The following ADGRL3 variants were observed in gnomAD, a reference collection of about 807,000 sequenced individuals.
ADGRL3 encodes the protein calcium-independent alpha-latrotoxin receptor 3.
Under a neutral mutation model 153.5 loss-of-function variants are expected in ADGRL3, and 62 were observed. The observed-to-expected ratio is 0.40, with a 90% CI of 0.33 to 0.50. The LOEUF is 0.50. Among genes scored for constraint, ADGRL3 ranks in the 20% least tolerant of loss-of-function variants. The pLI, the probability that ADGRL3 is intolerant of heterozygous loss-of-function variation, is 0.47. For missense variants in ADGRL3, 1,641 were observed against 1,859.4 expected (o/e 0.88, Z 2.16); for synonymous variants, 710 against 672.5 (o/e 1.06, Z -0.86).
chr4:61,404,817 G>A (rs1296931030), intron 2 of ADGRL3, among the ~76,000 whole-genome samples: 2 of 151,842 alleles, frequency 1.3e-5, no homozygotes, highest in East Asian at 3.9e-4. Flanking sequence ...TCAGAGTCGT[G>A]GTTAAACAAT....
At chr4:61,620,857 T>A (rs1013591498) in intron 5 of ADGRL3, among the ~76,000 whole-genome samples, 37 of 151,990 alleles carry the variant, frequency 2.4e-4, no homozygotes, top group African/African-American at 8.9e-4. Flanking sequence ...GCCAGGATGG[T>A]CTCCATCTCC....
At chr4:61,319,483 A>G (rs1267177948) in intron 1 of ADGRL3, among the ~76,000 whole-genome samples, 1 of 152,160 alleles carries the variant, frequency 6.6e-6, no homozygotes, top group Non-Finnish European at 1.5e-5. Context: ...AATTGACTTC[A>G]CCATGTTGTG....
At chr4:61,695,017 C>T (rs1022803248) in intron 6 of ADGRL3, among the ~76,000 whole-genome samples, 5 of 152,170 alleles carry the variant, frequency 3.3e-5, no homozygotes, top group African/African-American at 9.7e-5. Flanking sequence ...AGTTCTATTA[C>T]TTCTCTTGCT....
intron 1 of ADGRL3, among the ~76,000 whole-genome samples, chr4:61,299,147 G>A (rs755265680): frequency 9.2e-5 from 14 of 151,772 alleles, no homozygotes; most frequent in Non-Finnish European, 1.8e-4. Flanking sequence ...CATGCCCGCC[G>A]TCCCCATCTT....
chr4:62,042,780 A>C (rs1560544041), intron 24 of ADGRL3, among the ~76,000 whole-genome samples: 1 of 152,070 alleles, frequency 6.6e-6, no homozygotes, highest in Admixed American at 6.6e-5. Flanking sequence ...TAGTATAATG[A>C]ATAGTCACAA....
intron 5 of ADGRL3, among the ~76,000 whole-genome samples, chr4:61,596,317 A>G (rs2098988920): frequency 6.6e-6 from 1 of 152,210 alleles, no homozygotes; most frequent in Admixed American, 6.5e-5. Context: ...TCAGACTTGA[A>G]TATAACTGAG....
In ADGRL3 at chr4:61,375,424, A is replaced by G. The variant is rs144551846; in HGVS notation, c.-239-7700A>G. Among the ~76,000 whole-genome samples the G allele has an allele frequency of 3.3e-5, 5 of 152,232 alleles. No homozygotes were observed. The East Asian group carries it at 9.7e-4, about 29-fold the overall frequency. ...TAAATTTCTTGCTCAAATTTTGGACATAAACCGGGACAAGATTTCCTACAT... is the reference window on the plus strand; with the variant it reads ...TAAATTTCTTGCTCAAATTTTGGACGTAAACCGGGACAAGATTTCCTACAT... On this transcript the variant is annotated intron_variant, in intron 1 of 26. Transcript: ENST00000683033.
intron 15 of ADGRL3, 133 bp downstream of exon 15, chr4:61,936,178 C>G (rs768909197): frequency 8.4e-5 from 72 of 861,828 alleles, no homozygotes; most frequent in Non-Finnish European, 1.2e-4. Flanking sequence ...TCTCTTTCTC[C>G]TCCTCTTCCT....
chr4:61,635,374 CT>C (rs1368090708), intron 5 of ADGRL3, among the ~76,000 whole-genome samples: 1 of 152,100 alleles, frequency 6.6e-6, no homozygotes, highest in Non-Finnish European at 1.5e-5. Flanking sequence ...AGTCTTCTAC[CT>C]CACAAGTGCA....
chr4:61,508,802 A>G (rs1008239310), intron 3 of ADGRL3, among the ~76,000 whole-genome samples: 1 of 152,092 alleles, frequency 6.6e-6, no homozygotes, highest in Non-Finnish European at 1.5e-5. Flanking sequence ...TGATAAAGAC[A>G]TTCCTGAGAC....
chr4:61,581,206 A>T, intron 4 of ADGRL3, among the ~76,000 whole-genome samples: 1 of 152,004 alleles, frequency 6.6e-6, no homozygotes, highest in East Asian at 1.9e-4. Flanking sequence ...AGCCACAGTT[A>T]CTGGGAAAAC....
intron 25 of ADGRL3, among the ~76,000 whole-genome samples, chr4:62,050,318 A>C (rs1266756309): frequency 6.6e-6 from 1 of 152,086 alleles, no homozygotes; most frequent in Non-Finnish European, 1.5e-5. Context: ...TTAGATAATG[A>C]CATAAGCAAA....
At chr4:62,061,350 T>G (rs564289968) in intron 25 of ADGRL3, among the ~76,000 whole-genome samples, 1 of 152,040 alleles carries the variant, frequency 6.6e-6, no homozygotes, top group East Asian at 1.9e-4. Context: ...ATTGTATCAC[T>G]TATCCAGTTT....
At chr4:61,908,768 A>G (rs1328587170) in intron 11 of ADGRL3, among the ~76,000 whole-genome samples, 2 of 152,104 alleles carry the variant, frequency 1.3e-5, no homozygotes, top group Non-Finnish European at 2.9e-5. Flanking sequence ...ATAACTTGGG[A>G]AATTATGCTT....
At chr4:61,742,278 C>A (rs77826013) in intron 8 of ADGRL3, among the ~76,000 whole-genome samples, 12,280 of 151,598 alleles carry the variant, frequency 0.081, 555 homozygotes, top group East Asian at 0.11. Flanking sequence ...TCTTCTTCTT[C>A]TTATTATTAT....
At position 61,202,494 on chromosome 4, in the gene ADGRL3, G is replaced by C. The variant is rs545625479; in HGVS notation, c.-240+729G>C. On this transcript the variant is annotated intron_variant, in intron 1 of 26. Transcript: ENST00000683033. This position sits in a 1 kb window ranked among gnomAD's most constrained non-coding sequence, Gnocchi z 5.0. Reference sequence around the variant, plus strand: ...TGGGTGGCCCGGGCTGCGCTGTGCTGGTAGTGGGCACTGGGCGGGGGGCGG... The same window carrying C: ...TGGGTGGCCCGGGCTGCGCTGTGCTCGTAGTGGGCACTGGGCGGGGGGCGG... 1.7e-3 allele frequency among the ~76,000 whole-genome samples: 266 copies of C among 152,292 alleles called. No homozygotes were observed. Among genetic ancestry groups the C allele is most frequent in the African/African-American group, 5.9e-3 (246 of 41,574 alleles).
intron 1 of ADGRL3, among the ~76,000 whole-genome samples, chr4:61,358,617 A>G (rs1271337947): frequency 6.9e-6 from 1 of 144,252 alleles, no homozygotes; most frequent in Non-Finnish European, 1.5e-5. Context: ...AAAAAAAAAA[A>G]GAAAGCAGAC....
At chr4:62,012,365 A>C (rs1282139026) in intron 21 of ADGRL3, among the ~76,000 whole-genome samples, 1 of 152,202 alleles carries the variant, frequency 6.6e-6, no homozygotes, top group Non-Finnish European at 1.5e-5. Context: ...GTGCAAAATA[A>C]TAAGAATAGT....
intron 25 of ADGRL3, among the ~76,000 whole-genome samples, chr4:62,055,561 T>C (rs1344464787): frequency 6.6e-6 from 1 of 151,874 alleles, no homozygotes; most frequent in African/African-American, 2.4e-5. Context: ...ATTTCTTTTT[T>C]GACTCTGTAA....
Sources: gnomAD v4.1 joint callset for allele counts (sites outside exome capture counted in the v4.1 genomes callset) on GRCh38, gnomAD v4.1.1 for gene constraint, Gnocchi (gnomAD v3.1) non-coding constraint, MANE v1.5 for transcripts, NCBI Gene and HGNC (gene_info 2026-07-23, HGNC 2026-07-21) for gene names.